The following COMMD10 variants were observed in gnomAD, a reference collection of about 807,000 sequenced individuals.
The protein encoded by COMMD10 is COMM domain containing 10, also known as COMM domain-containing protein 10.
In COMMD10, 33 loss-of-function variants were observed where a neutral mutation model predicts 28.9. The observed-to-expected ratio is 1.14, with a 90% confidence interval of 0.87 to 1.53. The LOEUF (loss-of-function observed/expected upper bound fraction) is 1.53. Among genes scored for constraint, COMMD10 ranks in the 40% most tolerant of loss-of-function variants. The pLI, the probability that COMMD10 is intolerant of heterozygous loss-of-function variation, is 0.00. For synonymous variants in COMMD10, 110 were observed against 81.7 expected, an observed-to-expected ratio of 1.35 and a Z score of -1.87; for missense variants, 310 against 233.4, an observed-to-expected ratio of 1.33 and a Z score of -2.14.
chr5:116,135,483 T>C (rs994675486), intron 5 of COMMD10, among the ~76,000 whole-genome samples: 6 of 152,194 alleles, frequency 3.9e-5, no homozygotes, highest in Non-Finnish European at 8.8e-5. Flanking sequence ...GAACGTAATA[T>C]GAACTTAGTG....
At chr5:116,163,923 C>T (rs1175219584) in intron 5 of COMMD10, among the ~76,000 whole-genome samples, 7 of 152,074 alleles carry the variant, frequency 4.6e-5, no homozygotes, top group South Asian at 2.1e-4. Flanking sequence ...AGTAAATAAA[C>T]GTAGTTTCTA....
chr5:116,153,771 T>G (rs1163890472), intron 5 of COMMD10, among the ~76,000 whole-genome samples: 1 of 152,146 alleles, frequency 6.6e-6, no homozygotes, highest in East Asian at 1.9e-4. Context: ...TTCTTTATCT[T>G]GCTCTTAAAC....
chr5:116,139,326 G>A (rs956893579), intron 5 of COMMD10, among the ~76,000 whole-genome samples: 1 of 151,578 alleles, frequency 6.6e-6, no homozygotes, highest in Non-Finnish European at 1.5e-5. Context: ...TTCAACAGAG[G>A]CTGCCTTTTA....
intron 5 of COMMD10, among the ~76,000 whole-genome samples, chr5:116,236,442 T>C (rs1749664284): frequency 1.4e-5 from 2 of 142,296 alleles, no homozygotes; most frequent in Admixed American, 7.5e-5. Context: ...AGGCGGAGGT[T>C]GCGGTGTGCC....
At chr5:116,137,674 C>A (rs1405760818) in intron 5 of COMMD10, among the ~76,000 whole-genome samples, 1 of 151,912 alleles carries the variant, frequency 6.6e-6, no homozygotes, top group Non-Finnish European at 1.5e-5. Flanking sequence ...TTCTTTTTCA[C>A]TTCTAACATA....
intron 5 of COMMD10, among the ~76,000 whole-genome samples, chr5:116,242,352 A>G (rs969640758): frequency 2.0e-5 from 3 of 152,194 alleles, no homozygotes; most frequent in African/African-American, 4.8e-5. Flanking sequence ...TTAATTAGCT[A>G]TGTGGTTTTT....
intron 5 of COMMD10, among the ~76,000 whole-genome samples, chr5:116,281,566 T>C (rs1751070210): frequency 6.6e-6 from 1 of 151,620 alleles, no homozygotes; most frequent in Non-Finnish European, 1.5e-5. Flanking sequence ...ATATAAGTAA[T>C]GCATTTATTA....
At chr5:116,129,256 C>T (rs188171127) in intron 4 of COMMD10, among the ~76,000 whole-genome samples, 2 of 150,530 alleles carry the variant, frequency 1.3e-5, no homozygotes, top group East Asian at 1.9e-4. Flanking sequence ...ATTTGTTTTA[C>T]GTTTTTAATC....
intron 5 of COMMD10, among the ~76,000 whole-genome samples, chr5:116,146,565 T>G (rs959083814): frequency 5.9e-5 from 9 of 151,898 alleles, no homozygotes; most frequent in South Asian, 4.1e-4. Flanking sequence ...CTGAATCCAG[T>G]CCCAATTATT....
At chr5:116,174,581 T>C (rs1387388602) in intron 5 of COMMD10, among the ~76,000 whole-genome samples, 1 of 151,748 alleles carries the variant, frequency 6.6e-6, no homozygotes, top group African/African-American at 2.4e-5. Context: ...ACCAGAATGA[T>C]GATGGTGGAG....
intron 5 of COMMD10, among the ~76,000 whole-genome samples, chr5:116,161,135 C>T (rs996448230): frequency 7.2e-5 from 11 of 152,002 alleles, no homozygotes; most frequent in African/African-American, 2.4e-4. Flanking sequence ...ATCTGTGTAT[C>T]GTACTGATCT....
Position 116,085,029 on chromosome 5 carries a change from G to A in COMMD10, c.-24G>A. The A allele has an allele frequency of 6.2e-7, 1 of 1,602,448 alleles. No individual in the cohort carries two copies. The highest frequency in any genetic ancestry group is 2.3e-5 in the East Asian group (1 of 44,374). On this transcript the variant is annotated 5_prime_UTR_variant, in exon 1 of 7. Transcript: ENST00000274458. ...GCTGGGTTCGGCGCAGCTAACAGAC[G>A]GCGGCAGTGCGAGAAAGCCGAAGAT...
chr5:116,189,603 T>C (rs753957241), intron 5 of COMMD10, among the ~76,000 whole-genome samples: 1 of 152,190 alleles, frequency 6.6e-6, no homozygotes, highest in Non-Finnish European at 1.5e-5. Context: ...AGTACAATTC[T>C]CTTGGAAAAA....
intron 5 of COMMD10, among the ~76,000 whole-genome samples, chr5:116,163,537 C>A (rs1752991238): frequency 2.0e-5 from 3 of 151,698 alleles, no homozygotes; most frequent in Non-Finnish European, 1.5e-5. Context: ...TTCGGTGAGC[C>A]AAGATTGCAC....
chr5:116,205,135 C>G lies in COMMD10; in HGVS notation c.510+70957C>G, dbSNP rs986606610. Among the ~76,000 whole-genome samples the G allele has an allele frequency of 7.9e-5, 12 of 152,084 alleles. No homozygotes were observed. The East Asian group carries it at 2.3e-3, about 29-fold the overall frequency. Reference sequence around the variant, plus strand: ...TCTGGTTTGTCCAAATCCACCTTAACTCTTAAAGCAATAATAAATATAAAT... The same window carrying G: ...TCTGGTTTGTCCAAATCCACCTTAAGTCTTAAAGCAATAATAAATATAAAT... On this transcript the variant is annotated intron_variant, in intron 5 of 6. Coordinates refer to ENST00000274458, the MANE Select transcript of COMMD10 (RefSeq NM_016144.4).
chr5:116,126,515 C>T (rs1463033869), intron 4 of COMMD10, among the ~76,000 whole-genome samples: 2 of 151,990 alleles, frequency 1.3e-5, no homozygotes, highest in Admixed American at 6.6e-5. Flanking sequence ...CATTACCGGA[C>T]TTCAAACTAT....
chr5:116,261,941 A>G (rs190925824), intron 5 of COMMD10, among the ~76,000 whole-genome samples: 9 of 151,832 alleles, frequency 5.9e-5, no homozygotes, highest in Admixed American at 5.3e-4. Flanking sequence ...CTTACTTTGT[A>G]TCTTTGACTA....
chr5:116,123,094 A>G lies in COMMD10; in HGVS notation c.400-10974A>G, dbSNP rs184862516. ...AATGCTTCTAGTTTTTGCCCATTTG[A>G]TATGATATTGGCTGTGGGTTTGTCA... is the stretch of plus-strand genomic sequence containing the variant. On this transcript the variant is annotated intron_variant, in intron 4 of 6. Transcript: ENST00000274458. Among the ~76,000 whole-genome samples the G allele has an allele frequency of 6.5e-3, 988 of 151,658 alleles. 11 individuals are homozygous for G. Among genetic ancestry groups the G allele is most frequent in the African/African-American group, 0.022 (914 of 41,452 alleles).
chr5:116,091,206 A>G lies in COMMD10; in HGVS notation c.243+17A>G, dbSNP rs1416541951. On this transcript the variant is annotated intron_variant, in intron 3 of 6. Coordinates refer to ENST00000274458, the MANE Select transcript of COMMD10 (RefSeq NM_016144.4). ...TTAGAACAGGTATTTTTATTGCATC[A>G]AATTTTCTAGCCATGATTTGTTTAC... The G allele has an allele frequency of 7.3e-7, 1 of 1,372,152 alleles. No individual in the cohort carries two copies. Among genetic ancestry groups the G allele is most frequent in the Non-Finnish European group, 1.0e-6 (1 of 968,886 alleles). 85.0% of individuals were successfully genotyped at this position (1,372,152 alleles called of 1,614,324 possible). A position where few individuals can be genotyped will look rare whatever the true frequency, so the allele number is the denominator to read the frequency against.
Sources: gnomAD v4.1 joint callset for allele counts (sites outside exome capture counted in the v4.1 genomes callset) on GRCh38, gnomAD v4.1.1 for gene constraint, MANE v1.5 for transcripts, NCBI Gene and HGNC (gene_info 2026-07-23, HGNC 2026-07-21) for gene names.